MMS19: variants seen among roughly 807,000 people sequenced by gnomAD.
MMS19 encodes MMS19 nucleotide excision repair protein homolog.
Under a neutral mutation model 129.8 loss-of-function variants are expected in MMS19, and 77 were observed. The observed-to-expected ratio is 0.59, with a 90% CI of 0.49 to 0.72. MMS19 has a LOEUF of 0.72. MMS19 is among the 30% of genes least tolerant of loss of function. MMS19 has a pLI of 0.00. For missense variants in MMS19, 1,168 were observed against 1,266.3 expected (o/e 0.92, Z 1.18); for synonymous variants, 491 against 502.8 (o/e 0.98, Z 0.31).
At chr10:97,490,240 G>T (rs1343053531) in intron 1 of MMS19, among the ~76,000 whole-genome samples, 1 of 151,874 alleles carries the variant, frequency 6.6e-6, no homozygotes, top group Non-Finnish European at 1.5e-5. Flanking sequence ...CACCATGCCC[G>T]CCTAATTTTT....
chr10:97,468,733 C>T (rs747097016), intron 12 of MMS19, among the ~76,000 whole-genome samples: 1 of 152,032 alleles, frequency 6.6e-6, no homozygotes, highest in African/African-American at 2.4e-5. Flanking sequence ...CTCAGCCTCC[C>T]GAGTAGCTGG....
chr10:97,483,055 T>C (rs1158284368), intron 2 of MMS19, among the ~76,000 whole-genome samples: 1 of 151,510 alleles, frequency 6.6e-6, no homozygotes, highest in Non-Finnish European at 1.5e-5. Context: ...CCACCGCACC[T>C]GGCCTATATA....
At chr10:97,466,286 T>A in intron 16 of MMS19, 127 bp from the exon 17 acceptor site, 2 of 804,986 alleles carry the variant, frequency 2.5e-6, no homozygotes, top group Non-Finnish European at 4.1e-6. Context: ...AGAACTCAAG[T>A]ACCTACACCA....
In MMS19 at chr10:97,461,210, G is replaced by C. The variant is rs1015153543; in HGVS notation, c.2312-203C>G. On this transcript the variant is annotated intron_variant, in intron 23 of 30. Transcript: ENST00000438925. ...AGAGGTGCTGCCATTTGAAAAGAGA[G>C]GGTCATCTACTTCCAATAAAGAATT... 13 of 605,462 alleles carry C rather than the reference G, an allele frequency of 2.1e-5. No homozygotes were observed. In the African/African-American group the frequency reaches 2.4e-4, roughly 11 times the overall value. The allele number at this position is 605,462 out of a possible 1,614,324, so 37.5% of individuals were successfully genotyped here.
chr10:97,477,729 G>C, intron 5 of MMS19, 126 bp downstream of exon 5: 1 of 706,718 alleles, frequency 1.4e-6, no homozygotes, highest in Non-Finnish European at 2.4e-6. Context: ...CTGAAGAAGA[G>C]CATAAAAACA....
chr10:97,470,790 T>G lies in MMS19; in HGVS notation c.756A>C (p.Thr252=), dbSNP rs780178868. The change falls in exon 9 of 31, where the codon ACA becomes ACC. Residue 252 remains threonine, a synonymous_variant. Transcript: ENST00000438925. ...CTAGACCCACCTCAGCAAATCGTGG[T>G]GTAGAAGCCAGCACAGCGCGAAGAC... ...ILSLRAVLAS[T]PRFAEFLLPL... 10 of 1,613,124 alleles carry G rather than the reference T, an allele frequency of 6.2e-6. 1 individual carries two copies. The highest frequency in any genetic ancestry group is 5.0e-5 in the Admixed American group (3 of 59,968).
At position 97,481,037 on chromosome 10, in the gene MMS19, G is replaced by A. The variant is rs777152931; in HGVS notation, c.167C>T (p.Ser56Phe). ...VLQVVEALGS[S>F]LENPEPRTRA... The stretch of plus-strand genomic sequence containing the variant: ...AGTTCGGGGTTCTGGATTCTCTAGA[G>A]AGGACCTAGGGGAAAACAGGATAGA... The change falls in exon 3 of 31, where the codon TCT becomes TTT. Residue 56 changes from serine to phenylalanine, a missense_variant. Around this residue, in one of 3 missense-constraint regions of MMS19, gnomAD observed 329 missense variants for 328.6 expected, o/e 1.00. Transcript: ENST00000438925. 1.0e-5 allele frequency: 16 copies of A among 1,587,046 alleles called. No individual in the cohort carries two copies. The South Asian group carries it at 1.5e-4, about 15-fold the overall frequency.
intron 8 of MMS19, among the ~76,000 whole-genome samples, chr10:97,474,274 G>C (rs1298381112): frequency 1.3e-5 from 2 of 152,070 alleles, no homozygotes; most frequent in Admixed American, 1.3e-4. Flanking sequence ...CTGGATATGT[G>C]GCTCACACGT....
chr10:97,481,085 C>G (rs1011263857), intron 2 of MMS19, 43 bp from the exon 3 acceptor site: 6 of 1,184,534 alleles, frequency 5.1e-6, no homozygotes, highest in Non-Finnish European at 7.4e-6. Context: ...TTACCCAGTT[C>G]AAATGTTTGA....
chr10:97,481,545 A>G (rs1003950586), intron 2 of MMS19, among the ~76,000 whole-genome samples: 3 of 152,194 alleles, frequency 2.0e-5, no homozygotes, highest in Non-Finnish European at 2.9e-5. Flanking sequence ...AAACATGAAA[A>G]ACCAAAACTT....
At chr10:97,466,180 A>T in intron 16 of MMS19, 21 bp from the exon 17 acceptor site, 6 of 1,547,020 alleles carry the variant, frequency 3.9e-6, no homozygotes, top group Non-Finnish European at 5.3e-6. Flanking sequence ...AGAGCAGATA[A>T]GCATTGGCTG....
chr10:97,476,511 G>A (rs1279392127), intron 8 of MMS19, among the ~76,000 whole-genome samples, 172 bp downstream of exon 8: 1 of 152,140 alleles, frequency 6.6e-6, no homozygotes, highest in South Asian at 2.1e-4. Flanking sequence ...ATGCTGCTTT[G>A]AATCATTCCT....
At chr10:97,464,622 AT>A (rs2032953202) in intron 18 of MMS19, among the ~76,000 whole-genome samples, 1 of 152,060 alleles carries the variant, frequency 6.6e-6, no homozygotes, top group Non-Finnish European at 1.5e-5. Flanking sequence ...TTAACAGACC[AT>A]CTTTTGAGCA....
intron 14 of MMS19, 31 bp from the exon 15 acceptor site, chr10:97,466,932 G>C: frequency 1.9e-6 from 3 of 1,612,274 alleles, no homozygotes; most frequent in Non-Finnish European, 2.5e-6. Flanking sequence ...AGGTTAGAAG[G>C]AAGCCACTGC....
chr10:97,483,342 C>G (rs754665100), intron 2 of MMS19, among the ~76,000 whole-genome samples: 1 of 152,174 alleles, frequency 6.6e-6, no homozygotes, highest in Non-Finnish European at 1.5e-5. Context: ...GTATGAGCCA[C>G]TGCACCCAGC....
Position 97,498,327 on chromosome 10 carries a change from C to T in MMS19, c.58G>A (p.Val20Met), listed in dbSNP as rs764933804. The T allele has an allele frequency of 5.7e-6, 9 of 1,574,876 alleles. No homozygotes were observed. The highest frequency in any genetic ancestry group is 3.4e-5 in the South Asian group (3 of 87,494). ...TGCTGACCCACGACGAAGTCGTGCA[C>T]GAGGCCCCATAGGGCACCCATAGGC... Reference protein sequence around the residue: ...AAPMGALWGLVHDFVVGQQEG... With the variant: ...AAPMGALWGLMHDFVVGQQEG... Residue 20 changes from valine (V) to methionine (M), a missense_variant, in exon 1 of 31, where the codon GTG becomes ATG. By Grantham distance (21) the Val-to-Met change is conservative. This residue lies in a region of MMS19 where 329 missense variants were observed against 328.6 expected (regional missense o/e 1.00). Transcript: ENST00000438925.
At chr10:97,461,240 A>G in intron 23 of MMS19, 1 of 606,848 alleles carries the variant, frequency 1.6e-6, no homozygotes, top group Admixed American at 3.0e-5. Context: ...AGAATTATCC[A>G]CACTAGCCCC....
Position 97,461,541 on chromosome 10 carries a change from C to T in MMS19, c.2266G>A (p.Ala756Thr), listed in dbSNP as rs1262082572. The change falls in exon 23 of 31, where the codon GCT becomes ACT. Residue 756 changes from alanine to threonine, a missense_variant. Coordinates refer to ENST00000438925, the MANE Select transcript of MMS19 (RefSeq NM_022362.5). ...CCHSCPFSST[A>T]AAKCFAGLLN... ...AGTCCTGCAAAGCACTTGGCAGCAG[C>T]GGTGGAAGAAAAGGGGCAGCTGTGG... 4.4e-6 allele frequency: 7 copies of T among 1,604,594 alleles called. No homozygotes were observed. The highest frequency in any genetic ancestry group is 3.4e-5 in the South Asian group (3 of 89,124).
chr10:97,484,142 G>T lies in MMS19; in HGVS notation c.122C>A (p.Ser41Tyr). 1.3e-6 allele frequency: 2 copies of T among 1,522,838 alleles called. No homozygotes were observed. The highest frequency in any genetic ancestry group is 1.8e-6 in the Non-Finnish European group (2 of 1,127,262). 94.3% of individuals were successfully genotyped at this position (1,522,838 alleles called of 1,614,324 possible). Residue 41 changes from serine to tyrosine, a missense_variant, in exon 2 of 31, where the codon TCT (serine) becomes TAT (tyrosine). Coordinates refer to ENST00000438925, the MANE Select transcript of MMS19 (RefSeq NM_022362.5). ...AACTTGTAACACTGTATAGTTGCCAGATTTCACATCTGCAGGAAATAAAAT... is the reference window on the plus strand; with the variant it reads ...AACTTGTAACACTGTATAGTTGCCATATTTCACATCTGCAGGAAATAAAAT... ...PADQVAADVK[S>Y]GNYTVLQVVE... is the part of the protein sequence containing the mutation.
Sources: allele counts gnomAD v4.1 joint callset (sites outside exome capture counted in the v4.1 genomes callset), GRCh38; gene constraint gnomAD v4.1.1; regional missense constraint gnomAD v4.1.1; transcripts MANE v1.5; gene names NCBI Gene and HGNC (gene_info 2026-07-23, HGNC 2026-07-21).